Variants in SLC2A13 observed in about 807,000 individuals in gnomAD.
SLC2A13 encodes the protein solute carrier family 2 member 13, also known as proton myo-inositol cotransporter.
A neutral mutation model predicts 64.4 loss-of-function variants in SLC2A13; 32 were observed. That is an observed-to-expected ratio of 0.50 (90% CI 0.37 to 0.67). The LOEUF (loss-of-function observed/expected upper bound fraction) is 0.67. SLC2A13 is among the 30% of genes least tolerant of loss of function. The pLI is 0.00. For missense variants in SLC2A13, 743 were observed against 829.2 expected (o/e 0.90, Z 1.28); for synonymous variants, 338 against 327.1 (o/e 1.03, Z -0.36).
intron 4 of SLC2A13, among the ~76,000 whole-genome samples, chr12:39,916,507 T>C (rs1442022017): frequency 1.3e-5 from 2 of 152,116 alleles, no homozygotes; most frequent in Non-Finnish European, 2.9e-5. Context: ...CAATACCACA[T>C]ACACTGGCAT....
chr12:39,810,968 C>G (rs1942140123), intron 7 of SLC2A13, among the ~76,000 whole-genome samples: 1 of 152,114 alleles, frequency 6.6e-6, no homozygotes, highest in African/African-American at 2.4e-5. Flanking sequence ...TTCCCCCACT[C>G]TGCCCTTTTC....
chr12:39,833,476 A>G (rs189097900), intron 6 of SLC2A13, among the ~76,000 whole-genome samples: 3 of 152,052 alleles, frequency 2.0e-5, no homozygotes, highest in Admixed American at 2.0e-4. Context: ...TGGAACCTTC[A>G]TGTGAATCCT....
At position 39,759,851 on chromosome 12, in the gene SLC2A13, G is replaced by GA. The variant is rs1013347277; in HGVS notation, c.*174dup. 4.5e-4 allele frequency: 247 copies of GA among 552,096 alleles called. No homozygotes were observed. Among genetic ancestry groups the GA allele is most frequent in the Middle Eastern group, 9.5e-4 (2 of 2,114 alleles). 34.2% of individuals were successfully genotyped at this position (552,096 alleles called of 1,614,324 possible). ...ATTTTTTAAAATATTGTTCCTTGTGGAAAAAAAAAGTCATCATGGTTGTAT... is the reference window on the plus strand; with the variant it reads ...ATTTTTTAAAATATTGTTCCTTGTGGAAAAAAAAAAGTCATCATGGTTGTAT... On this transcript the variant is annotated 3_prime_UTR_variant, in exon 10 of 10. Coordinates refer to ENST00000280871, the MANE Select transcript of SLC2A13 (RefSeq NM_052885.4).
rs1431720299 is a variant in SLC2A13 at position 39,755,876 on chromosome 12, C to A, written c.*4150G>T. ...ACGGATAAAATACTTTCATGAACTT[C>A]TGAACATCAACACTCTTATAAAACA... On this transcript the variant is annotated 3_prime_UTR_variant, in exon 10 of 10. Transcript: ENST00000280871. 1 of 151,960 alleles carries A rather than the reference C, an allele frequency of 6.6e-6. No homozygotes were observed. Among genetic ancestry groups the A allele is most frequent in the Non-Finnish European group, 1.5e-5 (1 of 67,802 alleles). 9.4% of individuals were successfully genotyped at this position (151,960 alleles called of 1,614,324 possible).
chr12:40,042,916 G>T (rs1234085314), intron 2 of SLC2A13, among the ~76,000 whole-genome samples: 1 of 144,376 alleles, frequency 6.9e-6, no homozygotes, highest in Non-Finnish European at 1.5e-5. Context: ...AGAATCCCTG[G>T]ATAGGGTAGG....
At chr12:40,064,462 A>C (rs1278348806) in intron 1 of SLC2A13, among the ~76,000 whole-genome samples, 3 of 152,184 alleles carry the variant, frequency 2.0e-5, no homozygotes, top group African/African-American at 7.2e-5. Flanking sequence ...TATTGATAAA[A>C]GAAGGAAAGA....
rs1945271208 is a variant in SLC2A13 at position 39,906,124 on chromosome 12, A to T, written c.1035-34163T>A. Among the ~76,000 whole-genome samples, 3 of 7,960 alleles carry T rather than the reference A, an allele frequency of 3.8e-4. No homozygotes were observed. The South Asian group carries it at 0.19, about 498-fold the overall frequency. The allele number at this position is 7,960 out of a possible 152,430, so 5.2% of individuals were successfully genotyped here. On this transcript the variant is annotated intron_variant, in intron 4 of 9. Coordinates refer to ENST00000280871, the MANE Select transcript of SLC2A13 (RefSeq NM_052885.4). ...GTTGGACAAAATCTAATTCTTGCAG[A>T]TACAGAACTTTGAACTTTGTTTTCA... is the stretch of plus-strand genomic sequence containing the variant.
chr12:40,105,450 T>C lies in SLC2A13; in HGVS notation c.359A>G (p.Gln120Arg), dbSNP rs1195981382. The change falls in exon 1 of 10, where the codon CAG becomes CGG. Residue 120 changes from glutamine to arginine, a missense_variant. Transcript: ENST00000280871. The surrounding 1 kb of genome is among the most constrained non-coding windows in gnomAD (Gnocchi z 4.2). ...KRQLSLDALW[Q>R]ELLVSSTVGA... ...CACCGTGCTGGACACCAGCAGCTCC[T>C]GCCACAGCGCGTCCAGACTGAGCTG... 1 of 1,558,354 alleles carries C rather than the reference T, an allele frequency of 6.4e-7. No individual in the cohort carries two copies. Among genetic ancestry groups the C allele is most frequent in the Non-Finnish European group, 8.7e-7 (1 of 1,151,774 alleles).
At chr12:39,948,661 C>A (rs1388958682) in intron 4 of SLC2A13, among the ~76,000 whole-genome samples, 1 of 151,886 alleles carries the variant, frequency 6.6e-6, no homozygotes, top group East Asian at 1.9e-4. Flanking sequence ...TTGAGGTAAA[C>A]GACAGAATTT....
At chr12:39,899,812 G>C (rs1360496696) in intron 4 of SLC2A13, among the ~76,000 whole-genome samples, 3 of 152,050 alleles carry the variant, frequency 2.0e-5, no homozygotes, top group African/African-American at 7.2e-5. Flanking sequence ...TCTTAATCCT[G>C]AGCTCTAGTT....
chr12:39,966,753 G>A (rs748945049), intron 3 of SLC2A13, among the ~76,000 whole-genome samples: 1 of 152,094 alleles, frequency 6.6e-6, no homozygotes, highest in Non-Finnish European at 1.5e-5. Flanking sequence ...TATAAGGACT[G>A]GGCAAGGAGA....
At position 39,757,737 on chromosome 12, in the gene SLC2A13, T is replaced by G. The variant is rs528641303; in HGVS notation, c.*2289A>C. On this transcript the variant is annotated 3_prime_UTR_variant, in exon 10 of 10. Transcript: ENST00000280871. Reference sequence around the variant, plus strand: ...TATGGTTATAAAGTTGAAAACATTGTTTTCTTATATCAGGGAGAACAGGCC... The same window carrying G: ...TATGGTTATAAAGTTGAAAACATTGGTTTCTTATATCAGGGAGAACAGGCC... The G allele has an allele frequency of 1.3e-5, 2 of 152,116 alleles. No individual in the cohort carries two copies. The highest frequency in any genetic ancestry group is 4.1e-4 in the South Asian group (2 of 4,828). The allele number at this position is 152,116 out of a possible 1,614,324, so 9.4% of individuals were successfully genotyped here. A position where few individuals can be genotyped will look rare whatever the true frequency, so the allele number is the denominator to read the frequency against.
chr12:39,958,859 G>C (rs1381125824), intron 3 of SLC2A13, among the ~76,000 whole-genome samples: 1 of 151,976 alleles, frequency 6.6e-6, no homozygotes, highest in Non-Finnish European at 1.5e-5. Flanking sequence ...TGGCTAATTT[G>C]TTTTGGGGAC....
chr12:39,885,559 A>G (rs1944446539), intron 4 of SLC2A13, among the ~76,000 whole-genome samples: 1 of 152,140 alleles, frequency 6.6e-6, no homozygotes, highest in South Asian at 2.1e-4. Context: ...TTATTACAAA[A>G]AACTTTCTCT....
chr12:39,901,065 C>G (rs1439517896), intron 4 of SLC2A13, among the ~76,000 whole-genome samples: 1 of 151,998 alleles, frequency 6.6e-6, no homozygotes, highest in Non-Finnish European at 1.5e-5. Context: ...CTTTGACAAA[C>G]CTGAGAAAAA....
chr12:39,995,988 T>C (rs891560962), intron 3 of SLC2A13, among the ~76,000 whole-genome samples: 8 of 152,206 alleles, frequency 5.3e-5, no homozygotes, highest in African/African-American at 1.7e-4. Context: ...CAGGTATGTC[T>C]TTATCAGAAG....
chr12:39,873,459 T>C (rs919224694), intron 4 of SLC2A13, among the ~76,000 whole-genome samples: 29 of 152,160 alleles, frequency 1.9e-4, no homozygotes, highest in African/African-American at 6.8e-4. Flanking sequence ...ATGTAATCAC[T>C]AAGAAATTAA....
chr12:40,050,746 T>C (rs1486037373), intron 1 of SLC2A13, among the ~76,000 whole-genome samples: 5 of 152,174 alleles, frequency 3.3e-5, no homozygotes, highest in African/African-American at 4.8e-5. Context: ...ACAAACTATA[T>C]TGACGGATCA....
intron 1 of SLC2A13, among the ~76,000 whole-genome samples, chr12:40,097,098 G>A (rs1186582312): frequency 6.6e-6 from 1 of 152,108 alleles, no homozygotes; most frequent in Non-Finnish European, 1.5e-5. Flanking sequence ...CCTACTTACT[G>A]AGGTGAATGC....
Sources: allele counts gnomAD v4.1 joint callset (sites outside exome capture counted in the v4.1 genomes callset), GRCh38; gene constraint gnomAD v4.1.1; non-coding constraint Gnocchi (gnomAD v3.1); transcripts MANE v1.5; gene names NCBI Gene and HGNC (gene_info 2026-07-23, HGNC 2026-07-21).